The following MYO9B variants were observed in gnomAD, a reference collection of about 807,000 sequenced individuals.
MYO9B encodes the protein unconventional myosin-IXb.
In MYO9B, 71 loss-of-function variants were observed where a neutral mutation model predicts 229.5. The observed-to-expected ratio is 0.31, with a 90% CI of 0.26 to 0.38. The LOEUF (loss-of-function observed/expected upper bound fraction) is 0.38. MYO9B is among the 10% of genes least tolerant of loss of function. MYO9B has a pLI of 1.00. For missense variants in MYO9B, 2,255 were observed against 2,920.5 expected (o/e 0.77, Z 5.25); for synonymous variants, 1,185 against 1,235.8 (o/e 0.96, Z 0.86).
At chr19:17,205,876 G>C (rs371751338) in intron 31 of MYO9B, 84 bp from the exon 32 acceptor site, 849 of 1,344,966 alleles carry the variant, frequency 6.3e-4, no homozygotes, top group Non-Finnish European at 7.6e-4. Context: ...GGCCTTGTGC[G>C]GGACCAGGAG....
At chr19:17,078,824 T>C (rs1192395266) in intron 1 of MYO9B, among the ~76,000 whole-genome samples, 1 of 152,218 alleles carries the variant, frequency 6.6e-6, no homozygotes, top group African/African-American at 2.4e-5. Flanking sequence ...CAACCGGCAG[T>C]GCGAGGGTCC....
chr19:17,123,436 G>A (rs2057984518), intron 2 of MYO9B, among the ~76,000 whole-genome samples: 1 of 150,536 alleles, frequency 6.6e-6, no homozygotes, highest in African/African-American at 2.5e-5. Context: ...GTGTGTGTGT[G>A]TGTGTGTGTG....
At chr19:17,122,799 A>T (rs1390437328) in intron 2 of MYO9B, among the ~76,000 whole-genome samples, 2 of 152,012 alleles carry the variant, frequency 1.3e-5, no homozygotes, top group African/African-American at 4.8e-5. Flanking sequence ...GGTAACTTTA[A>T]ATGACATCAT....
Position 17,200,639 on chromosome 19 carries a change from C to A in MYO9B, c.4373C>A (p.Ala1458Asp). 6.2e-7 allele frequency: 1 copy of A among 1,611,158 alleles called. No homozygotes were observed. ...EATTMKKGLE[A>D]PSGQQHRHAA... is the part of the protein sequence containing the mutation. ...CCGGCTGCTTCCTGTCCCCCCTCAG[C>A]CCCCTCCGGACAGCAGCATCGCCAC... The change falls in exon 26 of 40, where the codon GCC (alanine) becomes GAC (aspartate). Residue 1458 changes from alanine (A) to aspartate (D), a missense_variant and splice_region_variant. By Grantham distance (126) the Ala-to-Asp change is moderately radical. Coordinates refer to ENST00000682292, the MANE Select transcript of MYO9B (RefSeq NM_004145.4).
At chr19:17,138,296 A>G (rs933527444) in intron 2 of MYO9B, among the ~76,000 whole-genome samples, 1 of 152,246 alleles carries the variant, frequency 6.6e-6, no homozygotes, top group African/African-American at 2.4e-5. Flanking sequence ...AATCCAGTCT[A>G]TCACTGATGG....
chr19:17,176,794 G>GA (rs1311142662), intron 14 of MYO9B, among the ~76,000 whole-genome samples: 1 of 152,160 alleles, frequency 6.6e-6, no homozygotes, highest in Non-Finnish European at 1.5e-5. Flanking sequence ...TTCACAGTCA[G>GA]AAACACATAC....
In MYO9B at chr19:17,200,465, A is replaced by C. The variant is rs1283140568; in HGVS notation, c.4372+39A>C. ...AGCCTCAGGGACAGACAGTAGAGCC[A>C]CCAGTGCCCCTGGGGACATTCACTG... On this transcript the variant is annotated intron_variant, in intron 25 of 39. Transcript: ENST00000682292. The C allele has an allele frequency of 4.5e-6, 7 of 1,544,956 alleles. No individual in the cohort carries two copies. The East Asian group carries it at 1.5e-4, about 32-fold the overall frequency.
Position 17,172,225 on chromosome 19 carries a change from C to T in MYO9B, c.1794-111C>T. 2 of 1,386,452 alleles carry T rather than the reference C, an allele frequency of 1.4e-6. No homozygotes were observed. Among genetic ancestry groups the T allele is most frequent in the Non-Finnish European group, 9.8e-7 (1 of 1,021,438 alleles). 85.9% of individuals were successfully genotyped at this position (1,386,452 alleles called of 1,614,324 possible). A position where few individuals can be genotyped will look rare whatever the true frequency, so the allele number is the denominator to read the frequency against. On this transcript the variant is annotated intron_variant, in intron 11 of 39. Transcript: ENST00000682292. This position sits in a 1 kb window ranked among gnomAD's most constrained non-coding sequence, Gnocchi z 8.2. ...AGCCCTGTGCCACTTCACTGCTCTG[C>T]CCACCCCATGCACCCACCCACCTCG...
intron 10 of MYO9B, among the ~76,000 whole-genome samples, chr19:17,166,668 A>G (rs1324650381): frequency 6.6e-6 from 1 of 152,028 alleles, no homozygotes; most frequent in Non-Finnish European, 1.5e-5. Context: ...TCCACCCTCC[A>G]ATAGGCCCCA....
At chr19:17,099,815 TAAAAAAAAAAA>T (rs34945453) in intron 1 of MYO9B, among the ~76,000 whole-genome samples, 2 of 116,298 alleles carry the variant, frequency 1.7e-5, no homozygotes, top group African/African-American at 3.3e-5. Context: ...GAGACTGTCT[TAAAAAAAAAAA>T]AAAAAAAAAG....
chr19:17,199,193 ACT>A (rs2073079218), intron 24 of MYO9B, among the ~76,000 whole-genome samples: 1 of 147,230 alleles, frequency 6.8e-6, no homozygotes, highest in Non-Finnish European at 1.5e-5. Context: ...AGAGAATGAC[ACT>A]CTGTCTCAAA....
chr19:17,210,755 T>C lies in MYO9B; in HGVS notation c.5837T>C (p.Leu1946Pro). Residue 1946 changes from leucine (L) to proline (P), a missense_variant, in exon 38 of 40, where the codon CTG (leucine) becomes CCG (proline). Coordinates refer to ENST00000682292, the MANE Select transcript of MYO9B (RefSeq NM_004145.4). Reference sequence around the variant, plus strand: ...ACCCGGGACATCCAGGAGGAGGAGCTGGAGGTGCTGCTGGAGGAGGAGGCA... The same window carrying C: ...ACCCGGGACATCCAGGAGGAGGAGCCGGAGGTGCTGCTGGAGGAGGAGGCA... ...PKTRDIQEEE[L>P]EVLLEEEAAG... 1 of 1,567,238 alleles carries C rather than the reference T, an allele frequency of 6.4e-7. No homozygotes were observed. The highest frequency in any genetic ancestry group is 8.6e-7 in the Non-Finnish European group (1 of 1,156,448).
intron 38 of MYO9B, 58 bp from the exon 39 acceptor site, chr19:17,211,589 C>T: frequency 2.0e-6 from 3 of 1,493,444 alleles, no homozygotes; most frequent in African/African-American, 1.4e-5. Flanking sequence ...CTCTGTTCCA[C>T]ACTGGCCCAG....
intron 2 of MYO9B, among the ~76,000 whole-genome samples, chr19:17,104,613 TG>T (rs1162484226): frequency 6.6e-6 from 1 of 152,152 alleles, no homozygotes; most frequent in Non-Finnish European, 1.5e-5. Flanking sequence ...TTTGTAGAGA[TG>T]GGGGTCTCAC....
chr19:17,189,785 T>C (rs4808590), intron 19 of MYO9B, among the ~76,000 whole-genome samples: 81,062 of 151,558 alleles, frequency 0.53, 23,526 homozygotes, highest in African/African-American at 0.74. Flanking sequence ...GACTGTTGGC[T>C]GGGCGCAGTG....
intron 2 of MYO9B, among the ~76,000 whole-genome samples, chr19:17,142,836 A>G (rs1349017977): frequency 6.6e-6 from 1 of 152,220 alleles, no homozygotes; most frequent in East Asian, 1.9e-4. Flanking sequence ...GATTAAAAAA[A>G]CAAGCATCAG....
intron 14 of MYO9B, 87 bp from the exon 15 acceptor site, chr19:17,180,840 C>A (rs2072850740): frequency 1.2e-6 from 1 of 847,656 alleles, no homozygotes; most frequent in Non-Finnish European, 1.9e-6. Flanking sequence ...GGGATGGTCC[C>A]AATGGCGCTG....
intron 14 of MYO9B, 78 bp downstream of exon 14, chr19:17,175,819 A>T: frequency 1.0e-6 from 1 of 970,886 alleles, no homozygotes; most frequent in South Asian, 1.7e-5. Context: ...AGGGAATGCT[A>T]CATTCTTTTT....
rs199815953 is a variant in MYO9B at position 17,093,693 on chromosome 19, T to G, written c.-58-7967T>G. ...TTTAAAGCAGTTTTTTTGCGGGGGGTGGGGGGGGGGGTGGTTTGAGATAGG... is the reference window on the plus strand; with the variant it reads ...TTTAAAGCAGTTTTTTTGCGGGGGGGGGGGGGGGGGGTGGTTTGAGATAGG... On this transcript the variant is annotated intron_variant, in intron 1 of 39. Transcript: ENST00000682292. 9.9e-3 allele frequency among the ~76,000 whole-genome samples: 1,102 copies of G among 110,794 alleles called. 6 individuals are homozygous for G. Among genetic ancestry groups the G allele is most frequent in the Non-Finnish European group, 0.014 (657 of 48,580 alleles). The allele number at this position is 110,794 out of a possible 152,430, so 72.7% of individuals were successfully genotyped here.
Sources: gnomAD v4.1 joint callset for allele counts (sites outside exome capture counted in the v4.1 genomes callset) on GRCh38, gnomAD v4.1.1 for gene constraint, Gnocchi (gnomAD v3.1) non-coding constraint, MANE v1.5 for transcripts, NCBI Gene and HGNC (gene_info 2026-07-23, HGNC 2026-07-21) for gene names.